ENTREP2: variants seen among roughly 807,000 people sequenced by gnomAD.
The protein encoded by ENTREP2 is protein ENTREP2.
the ENTREP2 span, among the ~76,000 whole-genome samples, chr15:29,257,233 C>T: frequency 2.0e-5 from 3 of 151,988 alleles, no homozygotes; most frequent in Non-Finnish European, 4.4e-5. Flanking sequence ...GCCACCACAC[C>T]GGGGTAATTT....
At chr15:29,349,534 A>G in the ENTREP2 span, among the ~76,000 whole-genome samples, 1 of 152,232 alleles carries the variant, frequency 6.6e-6, no homozygotes, top group Non-Finnish European at 1.5e-5. Flanking sequence ...CCAAGCTGCC[A>G]GAAATAGGAA....
chr15:29,499,826 T>C, the ENTREP2 span, among the ~76,000 whole-genome samples: 79 of 152,256 alleles, frequency 5.2e-4, no homozygotes, highest in African/African-American at 1.8e-3. Flanking sequence ...AATTAGAAAC[T>C]TGTGGAACTG....
At chr15:29,378,774 G>GAT in the ENTREP2 span, among the ~76,000 whole-genome samples, 20,374 of 151,834 alleles carry the variant, frequency 0.13, 1,847 homozygotes, top group African/African-American at 0.26. Context: ...TTATAACCTA[G>GAT]ATATATATAT....
At chr15:29,407,495 T>C in the ENTREP2 span, among the ~76,000 whole-genome samples, 3 of 152,062 alleles carry the variant, frequency 2.0e-5, no homozygotes, top group South Asian at 2.1e-4. Context: ...AGAGAAGACA[T>C]GGGCTCAAGA....
chr15:29,216,049 G>A, the ENTREP2 span, among the ~76,000 whole-genome samples: 1 of 152,092 alleles, frequency 6.6e-6, no homozygotes, highest in African/African-American at 2.4e-5. Context: ...TTGTATTTTT[G>A]TTTTATAGGT....
At chr15:29,611,975 T>C in the ENTREP2 span, among the ~76,000 whole-genome samples, 1 of 152,208 alleles carries the variant, frequency 6.6e-6, no homozygotes, top group Non-Finnish European at 1.5e-5. Context: ...TAATTTTATC[T>C]GGGCAATCAA....
the ENTREP2 span, among the ~76,000 whole-genome samples, chr15:29,174,250 GATGTC>G: frequency 2.6e-5 from 4 of 152,210 alleles, no homozygotes; most frequent in African/African-American, 7.2e-5. Flanking sequence ...TTTCATGGCA[GATGTC>G]ATGTCATTTT....
At chr15:29,512,260 G>A in the ENTREP2 span, among the ~76,000 whole-genome samples, 1 of 152,032 alleles carries the variant, frequency 6.6e-6, no homozygotes, top group Non-Finnish European at 1.5e-5. Context: ...ACATGCTTCA[G>A]GCCCCATAAA....
chr15:29,469,968 C>G, the ENTREP2 span, among the ~76,000 whole-genome samples: 1 of 152,246 alleles, frequency 6.6e-6, no homozygotes, highest in Non-Finnish European at 1.5e-5. Flanking sequence ...TTCAGTGCCC[C>G]TGGGTCATCA....
At chr15:29,541,886 G>GT in the ENTREP2 span, among the ~76,000 whole-genome samples, 7 of 152,330 alleles carry the variant, frequency 4.6e-5, no homozygotes, top group East Asian at 3.9e-4. Flanking sequence ...ACAGAAAAGC[G>GT]TAACAGGTCT....
the ENTREP2 span, among the ~76,000 whole-genome samples, chr15:29,635,070 C>A: frequency 1.3e-5 from 2 of 152,090 alleles, no homozygotes; most frequent in African/African-American, 4.8e-5. Flanking sequence ...GTCTCAATCT[C>A]CTGACCTCAT....
At chr15:29,623,182 G>C in the ENTREP2 span, among the ~76,000 whole-genome samples, 1 of 152,076 alleles carries the variant, frequency 6.6e-6, no homozygotes, top group Non-Finnish European at 1.5e-5. Flanking sequence ...TAGCTCCTGG[G>C]GCCGTCTTCC....
At chr15:29,300,034 T>A in the ENTREP2 span, among the ~76,000 whole-genome samples, 1 of 149,918 alleles carries the variant, frequency 6.7e-6, no homozygotes, top group African/African-American at 2.5e-5. Flanking sequence ...TATGGGTGAA[T>A]GGGTAGATAG....
the ENTREP2 span, among the ~76,000 whole-genome samples, chr15:29,214,505 A>G: frequency 6.6e-6 from 1 of 152,200 alleles, no homozygotes; most frequent in South Asian, 2.1e-4. Flanking sequence ...ACTTGGACAC[A>G]GGAAGGGGAA....
the ENTREP2 span, among the ~76,000 whole-genome samples, chr15:29,489,638 G>A: frequency 2.0e-5 from 3 of 152,100 alleles, no homozygotes; most frequent in East Asian, 1.9e-4. Context: ...TGTATTTTAC[G>A]CACAAAATGT....
the ENTREP2 span, among the ~76,000 whole-genome samples, chr15:29,367,637 G>A: frequency 6.6e-6 from 1 of 152,152 alleles, no homozygotes; most frequent in Non-Finnish European, 1.5e-5. Flanking sequence ...GCCCAGGAAA[G>A]CCCTGAGAAG....
chr15:29,642,235 C>T, the ENTREP2 span, among the ~76,000 whole-genome samples: 1 of 151,922 alleles, frequency 6.6e-6, no homozygotes, highest in Non-Finnish European at 1.5e-5. Context: ...AATTTCATAA[C>T]TTAATGCAAA....
At chr15:29,649,903 T>C in the ENTREP2 span, among the ~76,000 whole-genome samples, 4 of 152,106 alleles carry the variant, frequency 2.6e-5, no homozygotes, top group African/African-American at 4.8e-5. Context: ...ACAGAGCTTC[T>C]ACCACGGATA....
the ENTREP2 span, among the ~76,000 whole-genome samples, chr15:29,254,161 C>CAAAAAA: frequency 5.1e-4 from 31 of 61,334 alleles, 1 homozygote; most frequent in Non-Finnish European, 6.4e-4. Context: ...TGTTAAAGAG[C>CAAAAAA]AAAAAAAAAA....
Sources: allele counts gnomAD v4.1 joint callset (sites outside exome capture counted in the v4.1 genomes callset), GRCh38; gene constraint gnomAD v4.1.1; transcripts MANE v1.5; gene names NCBI Gene and HGNC (gene_info 2026-07-23, HGNC 2026-07-21).